The following SLC45A1 variants were observed in gnomAD, a reference collection of about 807,000 sequenced individuals.
SLC45A1 encodes proton-associated sugar transporter A.
A neutral mutation model predicts 57.6 loss-of-function variants in SLC45A1; 28 were observed. That is an observed-to-expected ratio of 0.49 (90% confidence interval 0.36 to 0.67). The LOEUF is 0.67. Among genes scored for constraint, SLC45A1 ranks in the 30% least tolerant of loss-of-function variants. SLC45A1 has a pLI of 0.00. For missense variants in SLC45A1, 814 were observed against 1,041.5 expected, an observed-to-expected ratio of 0.78 and a Z score of 3.01; for synonymous variants, 459 against 471.5, an observed-to-expected ratio of 0.97 and a Z score of 0.34.
intron 2 of SLC45A1, 129 bp downstream of exon 2, chr1:8,324,855 T>C: frequency 1.1e-6 from 1 of 899,646 alleles, no homozygotes; most frequent in Admixed American, 2.9e-5. Context: ...AGTCTGGGAC[T>C]GTGGGGAACA....
rs528546014 is a variant in SLC45A1 at position 8,319,709 on chromosome 1, T to TTTG, written c.-25+1541_-25+1543dup. On this transcript the variant is annotated intron_variant, in intron 1 of 8. Transcript: ENST00000471889. ...TTTATGGGAACCTTAAAAATGGATT[T>TTTG]TTGTTGTTGTTGTTGTTGTTTTTTG... 1.4e-4 allele frequency among the ~76,000 whole-genome samples: 22 copies of TTTG among 152,130 alleles called. No homozygotes were observed. In the East Asian group the frequency reaches 2.9e-3, roughly 20 times the overall value.
chr1:8,325,988 G>C lies in SLC45A1; in HGVS notation c.661G>C (p.Val221Leu). Residue 221 changes from valine to leucine, a missense_variant, in exon 4 of 9, where the codon GTG becomes CTG. Val to Leu is a conservative substitution (Grantham distance 32). Transcript: ENST00000471889. The surrounding 1 kb of genome is among the most constrained non-coding windows in gnomAD (Gnocchi z 6.3). The stretch of plus-strand genomic sequence containing the variant: ...CCCCAGCCACGCCTACATGATGGAC[G>C]TGTGCAGCCCCGCAGACCAGGACCG... The part of the protein sequence containing the change: ...DNPSHAYMMD[V>L]CSPADQDRGL... The C allele has an allele frequency of 1.2e-6, 2 of 1,611,174 alleles. No homozygotes were observed. Among genetic ancestry groups the C allele is most frequent in the Non-Finnish European group, 1.7e-6 (2 of 1,180,014 alleles).
chr1:8,325,999 C>T lies in SLC45A1; in HGVS notation c.672C>T (p.Pro224=), dbSNP rs370969906. The part of the protein sequence containing the change: ...SHAYMMDVCS[P]ADQDRGLNIH... Reference sequence around the variant, plus strand: ...CCTACATGATGGACGTGTGCAGCCCCGCAGACCAGGACCGAGGCCTGAACA... The same window carrying T: ...CCTACATGATGGACGTGTGCAGCCCTGCAGACCAGGACCGAGGCCTGAACA... The change falls in exon 4 of 9, where the codon CCC becomes CCT. Residue 224 remains proline, a synonymous_variant. Transcript: ENST00000471889. The surrounding 1 kb of genome is among the most constrained non-coding windows in gnomAD (Gnocchi z 6.3). 16 of 1,609,356 alleles carry T rather than the reference C, an allele frequency of 9.9e-6. No homozygotes were observed. The highest frequency in any genetic ancestry group is 6.7e-5 in the East Asian group (3 of 44,894).
Position 8,339,674 on chromosome 1 carries a change from C to A in SLC45A1, c.1956C>A (p.Leu652=). The A allele has an allele frequency of 6.2e-7, 1 of 1,614,202 alleles. No homozygotes were observed. Among genetic ancestry groups the A allele is most frequent in the Admixed American group, 1.7e-5 (1 of 60,034 alleles). ...TGTGCACCTTGCCTTACTCGCTGCT[C>A]TGCGATTACTATCAGAGTAAGAAGG... The part of the protein sequence containing the change: ...STLCTLPYSL[L]CDYYQSKKFA... The change falls in exon 8 of 9, where the codon CTC becomes CTA. Residue 652 remains leucine (L), a synonymous_variant. Coordinates refer to ENST00000471889, the MANE Select transcript of SLC45A1 (RefSeq NM_001080397.3).
At chr1:8,337,367 T>C (rs895303834) in intron 6 of SLC45A1, among the ~76,000 whole-genome samples, 6 of 152,194 alleles carry the variant, frequency 3.9e-5, no homozygotes, top group African/African-American at 1.4e-4. Context: ...AGAGATGAGA[T>C]TTGGGTGGGG....
chr1:8,339,384 G>A (rs1379241872), intron 7 of SLC45A1, 109 bp from the exon 8 acceptor site: 8 of 1,057,544 alleles, frequency 7.6e-6, no homozygotes, highest in African/African-American at 4.7e-5. Context: ...CTGCCAAGCC[G>A]GGTCCCACCA....
At chr1:8,336,260 A>C (rs926600122) in intron 6 of SLC45A1, among the ~76,000 whole-genome samples, 1 of 152,092 alleles carries the variant, frequency 6.6e-6, no homozygotes, top group African/African-American at 2.4e-5. Flanking sequence ...AAATACAAAA[A>C]TTAGCTGGGC....
chr1:8,323,832 C>T (rs543602042), intron 1 of SLC45A1, among the ~76,000 whole-genome samples: 3 of 152,128 alleles, frequency 2.0e-5, no homozygotes, highest in Non-Finnish European at 2.9e-5. Flanking sequence ...GAGCTGTCCC[C>T]GCAACGCGAG....
Position 8,328,356 on chromosome 1 carries a change from G to A in SLC45A1, c.716-1853G>A, listed in dbSNP as rs969048201. 3.9e-5 allele frequency among the ~76,000 whole-genome samples: 6 copies of A among 152,176 alleles called. No individual in the cohort carries two copies. Among genetic ancestry groups the A allele is most frequent in the African/African-American group, 9.7e-5 (4 of 41,438 alleles). Reference sequence around the variant, plus strand: ...GGCTCTACTTCCACAAGCCTCGGTCGCATCTCCTGGAAAATGTTGCCGCTT... The same window carrying A: ...GGCTCTACTTCCACAAGCCTCGGTCACATCTCCTGGAAAATGTTGCCGCTT... On this transcript the variant is annotated intron_variant, in intron 4 of 8. Transcript: ENST00000471889. The surrounding 1 kb of genome is among the most constrained non-coding windows in gnomAD (Gnocchi z 4.6).
At chr1:8,333,353 T>G (rs956606076) in intron 5 of SLC45A1, among the ~76,000 whole-genome samples, 5 of 152,016 alleles carry the variant, frequency 3.3e-5, no homozygotes, top group African/African-American at 1.2e-4. Context: ...CCCAGGCTGG[T>G]CTTGAGCTCC....
chr1:8,336,302 T>C (rs1267575387), intron 6 of SLC45A1, among the ~76,000 whole-genome samples: 4 of 150,890 alleles, frequency 2.7e-5, no homozygotes, highest in Admixed American at 1.3e-4. Flanking sequence ...CCCAGCTACT[T>C]GGGAGGCTGA....
In SLC45A1 at chr1:8,343,987, C is replaced by T; in HGVS notation, c.2221C>T (p.His741Tyr). Residue 741 changes from histidine to tyrosine, a missense_variant, in exon 9 of 9, where the codon CAC becomes TAC. His to Tyr is a moderately conservative substitution (Grantham distance 83, BLOSUM62 2). Coordinates refer to ENST00000471889, the MANE Select transcript of SLC45A1 (RefSeq NM_001080397.3). The surrounding 1 kb of genome is among the most constrained non-coding windows in gnomAD (Gnocchi z 7.7). ...TCCCAGCGACGCTGCAGACGAGGAG[C>T]ACCGGCCCCTCCTGCTGAACGTCTG... ...IPPSDAADEE[H>Y]RPLLLNV The T allele has an allele frequency of 1.2e-6, 2 of 1,611,536 alleles. No homozygotes were observed. The highest frequency in any genetic ancestry group is 1.7e-6 in the Non-Finnish European group (2 of 1,178,392).
rs762040736 is a variant in SLC45A1, at chr1:8,337,883, G to A, written c.1665G>A (p.Gly555=). The A allele has an allele frequency of 4.3e-6, 7 of 1,614,230 alleles. No individual in the cohort carries two copies. The South Asian group carries it at 7.7e-5, about 18-fold the overall frequency. ...TCATGGGCGAGGTGGTGTTTCAGGG[G>A]GACCCCAAGGCCCCGCACACATCAG... ...TDFMGEVVFQ[G]DPKAPHTSEA... The change falls in exon 7 of 9, where the codon GGG becomes GGA. Residue 555 remains glycine, a synonymous_variant. Transcript: ENST00000471889.
chr1:8,331,965 T>C (rs1640425152), intron 5 of SLC45A1, among the ~76,000 whole-genome samples: 1 of 152,098 alleles, frequency 6.6e-6, no homozygotes, highest in Non-Finnish European at 1.5e-5. Flanking sequence ...GCTAATTTTT[T>C]GTATTTTTAG....
At chr1:8,323,445 CAA>C (rs1640094132) in intron 1 of SLC45A1, among the ~76,000 whole-genome samples, 1 of 142,108 alleles carries the variant, frequency 7.0e-6, no homozygotes, top group Non-Finnish European at 1.5e-5. Context: ...GAGCCAAGAT[CAA>C]GCCACTGCAC....
chr1:8,326,357 C>T lies in SLC45A1; in HGVS notation c.715+315C>T, dbSNP rs751987405. Among the ~76,000 whole-genome samples, 11 of 152,166 alleles carry T rather than the reference C, an allele frequency of 7.2e-5. No homozygotes were observed. The highest frequency in any genetic ancestry group is 1.6e-4 in the Non-Finnish European group (11 of 68,036). ...GAATTAGCAAACACCGCATCTCGCT[C>T]CTAGGAAAAATACAGGGTTAGGTTC... On this transcript the variant is annotated intron_variant, in intron 4 of 8. Coordinates refer to ENST00000471889, the MANE Select transcript of SLC45A1 (RefSeq NM_001080397.3). This position sits in a 1 kb window ranked among gnomAD's most constrained non-coding sequence, Gnocchi z 5.5.
chr1:8,328,475 G>A lies in SLC45A1; in HGVS notation c.716-1734G>A, dbSNP rs1384512724. Among the ~76,000 whole-genome samples, 3 of 152,236 alleles carry A rather than the reference G, an allele frequency of 2.0e-5. No individual in the cohort carries two copies. Among genetic ancestry groups the A allele is most frequent in the African/African-American group, 7.2e-5 (3 of 41,450 alleles). Reference sequence around the variant, plus strand: ...GCTGGGCTTGGCAGAGAGGAAGAAGGACGTCGGTTTTTACCTTACGCCCGT... The same window carrying A: ...GCTGGGCTTGGCAGAGAGGAAGAAGAACGTCGGTTTTTACCTTACGCCCGT... On this transcript the variant is annotated intron_variant, in intron 4 of 8. Coordinates refer to ENST00000471889, the MANE Select transcript of SLC45A1 (RefSeq NM_001080397.3). The surrounding 1 kb of genome is among the most constrained non-coding windows in gnomAD (Gnocchi z 4.6).
chr1:8,322,486 G>T (rs916616742), intron 1 of SLC45A1, among the ~76,000 whole-genome samples: 3 of 151,314 alleles, frequency 2.0e-5, no homozygotes, highest in Admixed American at 2.0e-4. Flanking sequence ...GATGTCTCTA[G>T]ATCCAATCAT....
rs115422510 is a variant in SLC45A1, at chr1:8,338,259, C to T, written c.1774+267C>T. ...ACCTGACTACACCGGCAGGCCATAGCGAGGGCGAAGTGGGGGGCCCTGGGG... is the reference window on the plus strand; with the variant it reads ...ACCTGACTACACCGGCAGGCCATAGTGAGGGCGAAGTGGGGGGCCCTGGGG... On this transcript the variant is annotated intron_variant, in intron 7 of 8. Transcript: ENST00000471889. Among the ~76,000 whole-genome samples the T allele has an allele frequency of 6.1e-3, 926 of 152,294 alleles. 8 individuals carry two copies. The highest frequency in any genetic ancestry group is 0.021 in the African/African-American group (889 of 41,574).
Sources: gnomAD v4.1 joint callset for allele counts (sites outside exome capture counted in the v4.1 genomes callset) on GRCh38, gnomAD v4.1.1 for gene constraint, Gnocchi (gnomAD v3.1) non-coding constraint, MANE v1.5 for transcripts, NCBI Gene and HGNC (gene_info 2026-07-23, HGNC 2026-07-21) for gene names.